The following ZNF236 variants were observed in gnomAD, a reference collection of about 807,000 sequenced individuals.
ZNF236 encodes the protein zinc finger protein 236, also known as regulated by glucose.
In ZNF236, 50 loss-of-function variants were observed where a neutral mutation model predicts 191.2. The observed-to-expected ratio is 0.26, with a 90% confidence interval of 0.21 to 0.33. ZNF236 has a LOEUF of 0.33. ZNF236 is among the 10% of genes least tolerant of loss of function. The pLI is 1.00. For missense variants in ZNF236, 1,754 were observed against 2,374.5 expected, an observed-to-expected ratio of 0.74 and a Z score of 5.43; for synonymous variants, 907 against 928.8, an observed-to-expected ratio of 0.98 and a Z score of 0.43.
At chr18:76,918,394 T>A (rs936420702) in intron 19 of ZNF236, among the ~76,000 whole-genome samples, 1 of 152,172 alleles carries the variant, frequency 6.6e-6, no homozygotes, top group Non-Finnish European at 1.5e-5. Context: ...TCTAGATCAC[T>A]TATAATACCT....
chr18:76,946,894 C>T (rs1392980040), intron 26 of ZNF236, among the ~76,000 whole-genome samples: 2 of 152,114 alleles, frequency 1.3e-5, no homozygotes, highest in Non-Finnish European at 2.9e-5. Context: ...TATATAAGTT[C>T]ACCTAATTAT....
chr18:76,876,614 A>G (rs937421745), intron 6 of ZNF236, among the ~76,000 whole-genome samples: 1 of 152,210 alleles, frequency 6.6e-6, no homozygotes, highest in Non-Finnish European at 1.5e-5. Flanking sequence ...ATGTTCAATG[A>G]GTTAATCTTT....
chr18:76,944,585 A>C (rs1320259376), intron 26 of ZNF236, among the ~76,000 whole-genome samples: 1 of 152,176 alleles, frequency 6.6e-6, no homozygotes, highest in Admixed American at 6.5e-5. Context: ...GATCGAGACC[A>C]GCTTGGCCAA....
intron 10 of ZNF236, among the ~76,000 whole-genome samples, chr18:76,897,880 C>A (rs975864074): frequency 6.6e-6 from 1 of 152,196 alleles, no homozygotes; most frequent in African/African-American, 2.4e-5. Context: ...TTCATCAGCA[C>A]TTGTTGAGTC....
chr18:76,835,113 A>G (rs908148589), intron 1 of ZNF236, among the ~76,000 whole-genome samples: 17 of 151,980 alleles, frequency 1.1e-4, no homozygotes, highest in Admixed American at 2.6e-4. Context: ...TGCATCCACA[A>G]AATTTTGATG....
intron 27 of ZNF236, among the ~76,000 whole-genome samples, chr18:76,952,953 T>C (rs1350580543): frequency 1.3e-5 from 2 of 152,226 alleles, no homozygotes; most frequent in Non-Finnish European, 2.9e-5. Context: ...GTAAGGACCC[T>C]GCTGGTGGCG....
rs772317820 is a variant in ZNF236 at position 76,927,156 on chromosome 18, G to T, written c.4147G>T (p.Ala1383Ser). 13 of 1,613,998 alleles carry T rather than the reference G, an allele frequency of 8.1e-6. No homozygotes were observed. The highest frequency in any genetic ancestry group is 1.1e-5 in the Non-Finnish European group (13 of 1,180,004). The change falls in exon 23 of 31, where the codon GCC becomes TCC. Residue 1383 changes from alanine to serine, a missense_variant. Around this residue, in one of 5 missense-constraint regions of ZNF236, gnomAD observed 606 missense variants for 761.5 expected, o/e 0.80. Coordinates refer to ENST00000320610, the MANE Select transcript of ZNF236 (RefSeq NM_001306089.2). The surrounding 1 kb of genome is among the most constrained non-coding windows in gnomAD (Gnocchi z 5.4). ...PNVQISGIDAASINNITLQID... is the reference protein window; with the variant it reads ...PNVQISGIDASSINNITLQID... ...TGTACAGATTTCTGGAATCGATGCT[G>T]CCAGCATTAATAACATTACGTTGCA... is the stretch of plus-strand genomic sequence containing the variant.
intron 27 of ZNF236, among the ~76,000 whole-genome samples, chr18:76,952,972 GC>G (rs1968444372): frequency 6.6e-6 from 1 of 152,212 alleles, no homozygotes; most frequent in South Asian, 2.1e-4. Flanking sequence ...CGTTGGAGCA[GC>G]TACTACGGCC....
At chr18:76,860,778 T>C (rs1311760820) in intron 3 of ZNF236, among the ~76,000 whole-genome samples, 3 of 152,256 alleles carry the variant, frequency 2.0e-5, no homozygotes, top group Non-Finnish European at 4.4e-5. Flanking sequence ...GAAAAGTCTT[T>C]TGAGAAATAT....
intron 3 of ZNF236, among the ~76,000 whole-genome samples, chr18:76,863,422 G>GA (rs1454145032): frequency 6.6e-6 from 1 of 151,850 alleles, no homozygotes; most frequent in Non-Finnish European, 1.5e-5. Flanking sequence ...CTAAACCTAA[G>GA]AAAAAAATCT....
rs868730084 is a variant in ZNF236 at position 76,971,022 on chromosome 18, G to A, written c.*2683G>A. Among the ~76,000 whole-genome samples, 2 of 152,242 alleles carry A rather than the reference G, an allele frequency of 1.3e-5. No individual in the cohort carries two copies. The highest frequency in any genetic ancestry group is 4.1e-4 in the South Asian group (2 of 4,832). On this transcript the variant is annotated 3_prime_UTR_variant, in exon 31 of 31. Coordinates refer to ENST00000320610, the MANE Select transcript of ZNF236 (RefSeq NM_001306089.2). The stretch of plus-strand genomic sequence containing the variant: ...TATTCAACGGCACCCAGTCATTGAG[G>A]AACCTTTTGAAAGTTCCTAAGTGTT...
intron 27 of ZNF236, 56 bp downstream of exon 27, chr18:76,947,708 TCAGAAGGGA>T: frequency 1.9e-6 from 3 of 1,581,364 alleles, no homozygotes; most frequent in Non-Finnish European, 1.7e-6. Context: ...ACATACAGAT[TCAGAAGGGA>T]TGGTGGTAGA....
At chr18:76,827,496 T>G (rs901884543) in intron 1 of ZNF236, among the ~76,000 whole-genome samples, 5 of 152,188 alleles carry the variant, frequency 3.3e-5, no homozygotes, top group Non-Finnish European at 4.4e-5. Flanking sequence ...AACAACTATT[T>G]TTAGAGCACT....
intron 4 of ZNF236, among the ~76,000 whole-genome samples, 183 bp downstream of exon 4, chr18:76,869,046 T>C (rs1225479304): frequency 6.6e-6 from 1 of 152,244 alleles, no homozygotes; most frequent in Non-Finnish European, 1.5e-5. Context: ...TAATGAATAG[T>C]GTCAGGCTAT....
rs770145444 is a variant in ZNF236, at chr18:76,878,062, T to C, written c.894T>C (p.Ser298=). ...CAGAATGTAGTTGTGTATTTAAAAGTTTAGGCAGCTTAAACACGCATATCA... is the reference window on the plus strand; with the variant it reads ...CAGAATGTAGTTGTGTATTTAAAAGCTTAGGCAGCTTAAACACGCATATCA... ...NCTECSCVFK[S]LGSLNTHISK... Residue 298 remains serine (S), a synonymous_variant, in exon 7 of 31, where the codon AGT becomes AGC. Transcript: ENST00000320610. 6.2e-7 allele frequency: 1 copy of C among 1,613,272 alleles called. No homozygotes were observed. The highest frequency in any genetic ancestry group is 1.1e-5 in the South Asian group (1 of 91,020).
At chr18:76,929,504 G>C (rs1284079255) in intron 25 of ZNF236, among the ~76,000 whole-genome samples, 1 of 152,174 alleles carries the variant, frequency 6.6e-6, no homozygotes, top group Non-Finnish European at 1.5e-5. Flanking sequence ...CTTGCTCAGA[G>C]TTAAGAAAAT....
intron 28 of ZNF236, among the ~76,000 whole-genome samples, chr18:76,956,820 G>A (rs559834781): frequency 3.3e-5 from 5 of 152,178 alleles, no homozygotes; most frequent in Non-Finnish European, 5.9e-5. Context: ...GCCGTCTTCC[G>A]TGTGAAGGGA....
rs11386653 is a variant in ZNF236 at position 76,867,227 on chromosome 18, GT to G, written c.364-1444del. 5.4e-3 allele frequency among the ~76,000 whole-genome samples: 776 copies of G among 144,000 alleles called. 7 individuals are homozygous for G. Among genetic ancestry groups the G allele is most frequent in the African/African-American group, 0.018 (720 of 39,398 alleles). The allele number at this position is 144,000 out of a possible 152,430, so 94.5% of individuals were successfully genotyped here. A position where few individuals can be genotyped will look rare whatever the true frequency, so the allele number is the denominator to read the frequency against. ...TTCAGATGCATTCAGGACTGCAGAG[GT>G]TTTTTTTTTTTTTAAGAGCTGCATC... On this transcript the variant is annotated intron_variant, in intron 3 of 30. Transcript: ENST00000320610.
chr18:76,822,923 G>A (rs1268758910), intron 1 of ZNF236, among the ~76,000 whole-genome samples: 4 of 148,232 alleles, frequency 2.7e-5, no homozygotes, highest in Non-Finnish European at 6.0e-5. Context: ...GGAGGCGGGA[G>A]GCGGGTGAGG....
Sources: allele counts gnomAD v4.1 joint callset (sites outside exome capture counted in the v4.1 genomes callset), GRCh38; gene constraint gnomAD v4.1.1; regional missense constraint gnomAD v4.1.1; non-coding constraint Gnocchi (gnomAD v3.1); transcripts MANE v1.5; gene names NCBI Gene and HGNC (gene_info 2026-07-23, HGNC 2026-07-21).